The following TBC1D19 variants were observed in gnomAD, a reference collection of about 807,000 sequenced individuals.
TBC1D19 encodes the protein TBC1 domain family, member 19.
Under a neutral mutation model 89.0 loss-of-function variants are expected in TBC1D19, and 60 were observed. That is an observed-to-expected ratio of 0.67 (90% CI 0.55 to 0.84). TBC1D19 has a LOEUF of 0.84. Ranked by LOEUF, TBC1D19 falls within the 40% of genes least tolerant of loss-of-function variation. TBC1D19 has a pLI of 0.00. For missense variants in TBC1D19, 500 were observed against 610.8 expected, an observed-to-expected ratio of 0.82 and a Z score of 1.91; for synonymous variants, 189 against 199.7, an observed-to-expected ratio of 0.95 and a Z score of 0.45.
At chr4:26,644,155 A>G (rs976615627) in intron 7 of TBC1D19, among the ~76,000 whole-genome samples, 7 of 152,232 alleles carry the variant, frequency 4.6e-5, no homozygotes, top group African/African-American at 1.7e-4. Flanking sequence ...CCCGATGAAC[A>G]TTGATGTGAA....
intron 4 of TBC1D19, among the ~76,000 whole-genome samples, chr4:26,634,359 T>TA (rs1419470042): frequency 6.6e-6 from 1 of 151,978 alleles, no homozygotes; most frequent in Non-Finnish European, 1.5e-5. Context: ...CTCAACACAA[T>TA]AAAAAAATGT....
At chr4:26,662,320 G>A (rs895454105) in intron 8 of TBC1D19, among the ~76,000 whole-genome samples, 1 of 152,068 alleles carries the variant, frequency 6.6e-6, no homozygotes, top group Non-Finnish European at 1.5e-5. Flanking sequence ...AGGAGGTTTT[G>A]GGATTAAGAA....
At chr4:26,810,271 G>A in the TBC1D19 span, among the ~76,000 whole-genome samples, 3 of 152,080 alleles carry the variant, frequency 2.0e-5, no homozygotes, top group Non-Finnish European at 4.4e-5. Flanking sequence ...GTAGCTCTTC[G>A]GATCATCTCC....
intron 13 of TBC1D19, among the ~76,000 whole-genome samples, chr4:26,707,893 G>A (rs928310095): frequency 1.1e-4 from 16 of 151,900 alleles, no homozygotes; most frequent in African/African-American, 2.4e-4. Context: ...TGTACAGTGC[G>A]TACACAAACC....
chr4:26,592,878 G>A (rs1290112005), intron 1 of TBC1D19, among the ~76,000 whole-genome samples: 9 of 152,030 alleles, frequency 5.9e-5, no homozygotes, highest in South Asian at 2.1e-4. Flanking sequence ...GCTCATGGGT[G>A]GGAAGAATCA....
intron 13 of TBC1D19, among the ~76,000 whole-genome samples, chr4:26,694,919 T>C (rs554506663): frequency 3.3e-5 from 5 of 151,984 alleles, no homozygotes; most frequent in Non-Finnish European, 7.4e-5. Flanking sequence ...AGACCAAAGG[T>C]AGATAAAACC....
intron 8 of TBC1D19, among the ~76,000 whole-genome samples, chr4:26,660,112 A>G (rs998686948): frequency 6.6e-6 from 1 of 152,150 alleles, no homozygotes; most frequent in Admixed American, 6.6e-5. Context: ...ACTTAGGGAG[A>G]TGGAGAACAT....
the TBC1D19 span, among the ~76,000 whole-genome samples, chr4:26,807,036 G>A: frequency 6.6e-6 from 1 of 152,152 alleles, no homozygotes; most frequent in African/African-American, 2.4e-5. Context: ...ACTGGTGAGA[G>A]AGTGAGTGAG....
the TBC1D19 span, among the ~76,000 whole-genome samples, chr4:26,820,388 T>C: frequency 6.6e-6 from 1 of 152,184 alleles, no homozygotes; most frequent in Non-Finnish European, 1.5e-5. Context: ...ATCTTTCTAC[T>C]CTATTTTTAT....
upstream of TBC1D19, among the ~76,000 whole-genome samples, chr4:26,581,732 A>G (rs1337751829): frequency 3.9e-5 from 6 of 152,204 alleles, no homozygotes; most frequent in Non-Finnish European, 8.8e-5. Flanking sequence ...TCTATCTATC[A>G]TTATAACTCT....
chr4:26,798,945 T>G, the TBC1D19 span, among the ~76,000 whole-genome samples: 6 of 151,812 alleles, frequency 4.0e-5, no homozygotes, highest in African/African-American at 1.2e-4. Flanking sequence ...ACTATTTAGG[T>G]AAGGGATACA....
At chr4:26,799,690 G>A in the TBC1D19 span, among the ~76,000 whole-genome samples, 1 of 152,164 alleles carries the variant, frequency 6.6e-6, no homozygotes, top group African/African-American at 2.4e-5. Flanking sequence ...GACACAGAAG[G>A]TGTCATCTAT....
At chr4:26,649,419 G>A (rs546974838) in intron 7 of TBC1D19, among the ~76,000 whole-genome samples, 58 of 152,096 alleles carry the variant, frequency 3.8e-4, no homozygotes, top group Non-Finnish European at 6.6e-4. Flanking sequence ...AACTCAAGTG[G>A]TTTTCAGTAT....
At chr4:26,820,147 T>A in the TBC1D19 span, among the ~76,000 whole-genome samples, 2 of 152,358 alleles carry the variant, frequency 1.3e-5, no homozygotes. Flanking sequence ...ATCCGTTATC[T>A]TAGTAACTTA....
chr4:26,711,665 A>G (rs534934047), intron 13 of TBC1D19, among the ~76,000 whole-genome samples: 23 of 152,168 alleles, frequency 1.5e-4, no homozygotes, highest in Non-Finnish European at 2.5e-4. Context: ...AATTACTATC[A>G]TGTGTAGCTT....
In TBC1D19 at chr4:26,729,877, T is replaced by G. The variant is rs141131530; in HGVS notation, c.1085-5578T>G. On this transcript the variant is annotated intron_variant, in intron 15 of 20. Coordinates refer to ENST00000264866, the MANE Select transcript of TBC1D19 (RefSeq NM_018317.4). ...ATATCTCCAGAGGCTACAGAGTAGGTTTTTAAATATTTGTTAATTAGATGA... is the reference window on the plus strand; with the variant it reads ...ATATCTCCAGAGGCTACAGAGTAGGGTTTTAAATATTTGTTAATTAGATGA... Among the ~76,000 whole-genome samples, 684 of 152,280 alleles carry G rather than the reference T, an allele frequency of 4.5e-3. 4 individuals carry two copies. The highest frequency in any genetic ancestry group is 0.016 in the African/African-American group (652 of 41,564).
At chr4:26,593,641 A>G (rs1739985016) in intron 1 of TBC1D19, among the ~76,000 whole-genome samples, 1 of 152,208 alleles carries the variant, frequency 6.6e-6, no homozygotes, top group Non-Finnish European at 1.5e-5. Context: ...ACAAATTTAC[A>G]AGAAAAAAAC....
At chr4:26,623,519 C>G (rs556649144) in intron 4 of TBC1D19, among the ~76,000 whole-genome samples, 2 of 152,302 alleles carry the variant, frequency 1.3e-5, no homozygotes, top group South Asian at 4.1e-4. Context: ...ATTCAAGCTT[C>G]CACAGCTTCC....
intron 7 of TBC1D19, among the ~76,000 whole-genome samples, chr4:26,654,430 GA>G (rs1275639681): frequency 6.6e-6 from 1 of 152,172 alleles, no homozygotes; most frequent in African/African-American, 2.4e-5. Flanking sequence ...TGCCTTGCTA[GA>G]TTGAGGAAGT....
Sources: allele counts gnomAD v4.1 joint callset (sites outside exome capture counted in the v4.1 genomes callset), GRCh38; gene constraint gnomAD v4.1.1; transcripts MANE v1.5; gene names NCBI Gene and HGNC (gene_info 2026-07-23, HGNC 2026-07-21).